CHST11: variants seen among roughly 807,000 people sequenced by gnomAD.
CHST11 encodes carbohydrate sulfotransferase 11, also known as C4S-1.
Under a neutral mutation model 30.4 loss-of-function variants are expected in CHST11, and 9 were observed. The ratio of observed to expected loss-of-function variants is 0.30; its 90% confidence interval spans 0.18 to 0.52. The LOEUF (loss-of-function observed/expected upper bound fraction) is 0.52. Among genes scored for constraint, CHST11 ranks in the 20% least tolerant of loss-of-function variants. The pLI, the probability that CHST11 is intolerant of heterozygous loss-of-function variation, is 0.97. For synonymous variants in CHST11, 152 were observed against 187.8 expected (o/e 0.81, Z 1.56); for missense variants, 348 against 460.6 (o/e 0.76, Z 2.24).
chr12:104,727,654 G>A (rs78187122), intron 2 of CHST11, among the ~76,000 whole-genome samples: 75 of 152,334 alleles, frequency 4.9e-4, no homozygotes, highest in African/African-American at 1.7e-3. Context: ...TTATAATCGA[G>A]TATAGACAGC....
chr12:104,552,962 G>C (rs567755071), intron 1 of CHST11: 1 of 152,336 alleles, frequency 6.6e-6, no homozygotes, highest in East Asian at 1.9e-4. Context: ...ACTAGAATGA[G>C]AGATGGAAAA....
chr12:104,561,564 A>C (rs1727400804), intron 1 of CHST11, among the ~76,000 whole-genome samples: 1 of 152,228 alleles, frequency 6.6e-6, no homozygotes, highest in South Asian at 2.1e-4. Context: ...AGCAAAATAA[A>C]AGATAATTCT....
At chr12:104,568,622 G>A (rs369361758) in intron 1 of CHST11, among the ~76,000 whole-genome samples, 3 of 152,116 alleles carry the variant, frequency 2.0e-5, no homozygotes, top group African/African-American at 4.8e-5. Flanking sequence ...CAATGACAGC[G>A]GCACCTGTCA....
rs558992644 is a variant in CHST11 at position 104,538,580 on chromosome 12, T to C, written c.119-63326T>C. On this transcript the variant is annotated intron_variant, in intron 1 of 2. Transcript: ENST00000303694. Reference sequence around the variant, plus strand: ...TTTTTGAACTTTGCCCATCCATACCTTTTTTCAACATTTTCTGTAGCCCAC... The same window carrying C: ...TTTTTGAACTTTGCCCATCCATACCCTTTTTCAACATTTTCTGTAGCCCAC... Among the ~76,000 whole-genome samples, 3 of 152,344 alleles carry C rather than the reference T, an allele frequency of 2.0e-5. No homozygotes were observed. In the South Asian group the frequency reaches 6.2e-4, roughly 32 times the overall value.
chr12:104,738,335 C>T (rs1276348034), intron 2 of CHST11, among the ~76,000 whole-genome samples: 3 of 152,212 alleles, frequency 2.0e-5, no homozygotes, highest in Admixed American at 2.0e-4. Context: ...CCCACCCAAT[C>T]CTCTCTTAGA....
At chr12:104,693,813 T>C (rs2039920186) in intron 2 of CHST11, among the ~76,000 whole-genome samples, 1 of 152,140 alleles carries the variant, frequency 6.6e-6, no homozygotes, top group South Asian at 2.1e-4. Context: ...AAGGCCTCAA[T>C]CTAGAGATTA....
At chr12:104,510,257 GCTAAACCAAT>G (rs1592737921) in intron 1 of CHST11, among the ~76,000 whole-genome samples, 1 of 152,082 alleles carries the variant, frequency 6.6e-6, no homozygotes, top group Non-Finnish European at 1.5e-5. Context: ...TTTTTCTACT[GCTAAACCAAT>G]CTTAACCAAA....
chr12:104,745,227 G>C (rs529087418), intron 2 of CHST11, among the ~76,000 whole-genome samples: 1 of 152,196 alleles, frequency 6.6e-6, no homozygotes, highest in Non-Finnish European at 1.5e-5. Flanking sequence ...GTTTTTGTCA[G>C]GTTTGCTGAA....
chr12:104,493,497 C>G (rs1199964472), intron 1 of CHST11, among the ~76,000 whole-genome samples: 1 of 152,192 alleles, frequency 6.6e-6, no homozygotes, highest in Admixed American at 6.5e-5. Flanking sequence ...TTTGTGGCTT[C>G]TAATCCAGTG....
intron 1 of CHST11, among the ~76,000 whole-genome samples, chr12:104,468,833 G>A (rs10746001): frequency 0.7 from 106,082 of 152,014 alleles, 37,165 homozygotes; most frequent in South Asian, 0.77. Flanking sequence ...AGGTAGTAAT[G>A]TTACCTCTTT....
intron 2 of CHST11, among the ~76,000 whole-genome samples, chr12:104,602,943 A>G (rs950074123): frequency 3.3e-5 from 5 of 151,630 alleles, no homozygotes; most frequent in Admixed American, 6.6e-5. Context: ...CCCCTTCCCA[A>G]TCTCTCACCT....
intron 1 of CHST11, among the ~76,000 whole-genome samples, chr12:104,572,067 C>G (rs1329674212): frequency 1.1e-4 from 16 of 152,284 alleles, no homozygotes; most frequent in African/African-American, 3.8e-4. Flanking sequence ...ATGAAGCCCA[C>G]TTGATCATGG....
chr12:104,678,728 T>A (rs1367094296), intron 2 of CHST11, among the ~76,000 whole-genome samples: 1 of 152,184 alleles, frequency 6.6e-6, no homozygotes, highest in Non-Finnish European at 1.5e-5. Context: ...TTATTTTTCT[T>A]CACGGTGGGG....
intron 1 of CHST11, among the ~76,000 whole-genome samples, chr12:104,526,240 A>G (rs1257097832): frequency 1.3e-5 from 2 of 152,096 alleles, no homozygotes; most frequent in African/African-American, 4.8e-5. Context: ...AAGAAAAGAA[A>G]AAGAAAAGAA....
chr12:104,530,144 G>T (rs961012434), intron 1 of CHST11, among the ~76,000 whole-genome samples: 3 of 152,184 alleles, frequency 2.0e-5, no homozygotes, highest in African/African-American at 7.2e-5. Flanking sequence ...GGGAGACAGA[G>T]TGAGACTCTG....
chr12:104,495,428 T>A (rs148498992), intron 1 of CHST11, among the ~76,000 whole-genome samples: 5 of 152,332 alleles, frequency 3.3e-5, no homozygotes, highest in Admixed American at 3.3e-4. Flanking sequence ...CCATTTTATA[T>A]TCCTACCAAC....
At chr12:104,479,591 G>A (rs58676170) in intron 1 of CHST11, among the ~76,000 whole-genome samples, 1 of 152,176 alleles carries the variant, frequency 6.6e-6, no homozygotes, top group African/African-American at 2.4e-5. Context: ...ACAGGCATCA[G>A]ATCTTGTTTT....
intron 2 of CHST11, among the ~76,000 whole-genome samples, chr12:104,612,559 G>A (rs1405014478): frequency 6.6e-6 from 1 of 152,206 alleles, no homozygotes; most frequent in Non-Finnish European, 1.5e-5. Flanking sequence ...TGAAGGTGCT[G>A]GGGTGAGAAC....
At chr12:104,534,445 A>G (rs2038216412) in intron 1 of CHST11, among the ~76,000 whole-genome samples, 1 of 152,172 alleles carries the variant, frequency 6.6e-6, no homozygotes, top group Non-Finnish European at 1.5e-5. Flanking sequence ...TATTTTTCCA[A>G]GTTGCGGTTA....
Sources: allele counts gnomAD v4.1 joint callset (sites outside exome capture counted in the v4.1 genomes callset), GRCh38; gene constraint gnomAD v4.1.1; transcripts MANE v1.5; gene names NCBI Gene and HGNC (gene_info 2026-07-23, HGNC 2026-07-21).